Variants in DEUP1 observed in about 807,000 individuals in gnomAD.
DEUP1 encodes the protein deuterosome assembly protein 1.
A neutral mutation model predicts 87.4 loss-of-function variants in DEUP1; 82 were observed. The ratio of observed to expected loss-of-function variants is 0.94; its 90% CI spans 0.78 to 1.13. The LOEUF (loss-of-function observed/expected upper bound fraction) is 1.13. Ranked by LOEUF, DEUP1 falls within the 50% of genes most tolerant of loss-of-function variation. DEUP1 has a pLI of 0.00. For missense variants in DEUP1, 663 were observed against 681.5 expected, an observed-to-expected ratio of 0.97 and a Z score of 0.30; for synonymous variants, 214 against 222.7, an observed-to-expected ratio of 0.96 and a Z score of 0.35.
At chr11:93,334,044 C>T (rs1943623236) in intron 2 of DEUP1, among the ~76,000 whole-genome samples, 1 of 152,142 alleles carries the variant, frequency 6.6e-6, no homozygotes, top group Non-Finnish European at 1.5e-5. Flanking sequence ...AACAGTAGAA[C>T]TTGTTTGGGT....
chr11:93,401,625 C>A (rs1947121534), intron 11 of DEUP1, among the ~76,000 whole-genome samples: 1 of 151,878 alleles, frequency 6.6e-6, no homozygotes, highest in South Asian at 2.1e-4. Flanking sequence ...GAATAGAGAA[C>A]CCAGATATAA....
chr11:93,350,955 C>A (rs147619353), intron 2 of DEUP1, among the ~76,000 whole-genome samples: 24,869 of 147,266 alleles, frequency 0.17, 2,251 homozygotes, highest in Non-Finnish European at 0.21. Flanking sequence ...GACTCCATCT[C>A]AAAAAAAATT....
rs1185292654 is a variant in DEUP1, at chr11:93,371,261, T to C, written c.770T>C (p.Met257Thr). 7 of 1,612,646 alleles carry C rather than the reference T, an allele frequency of 4.3e-6. No homozygotes were observed. In the Admixed American group the frequency reaches 1.0e-4, roughly 23 times the overall value. ...CAGAAGCTCTTGCAAGAACTGAAAA[T>C]GTACCAAAGACAGTGCCAGGTGAAG... ...ENQKLLQELK[M>T]YQRQCQAMEA... The change falls in exon 7 of 14, where the codon ATG becomes ACG. Residue 257 changes from methionine to threonine, a missense_variant. Met to Thr is a moderately conservative substitution (Grantham distance 81). Coordinates refer to ENST00000298050, the MANE Select transcript of DEUP1 (RefSeq NM_181645.4).
chr11:93,362,547 A>C (rs1168049143), intron 4 of DEUP1, among the ~76,000 whole-genome samples: 1 of 151,916 alleles, frequency 6.6e-6, no homozygotes, highest in African/African-American at 2.4e-5. Flanking sequence ...AAAAAAGAAA[A>C]TAACAAGTGT....
At chr11:93,432,006 G>A (rs1565356287) in intron 13 of DEUP1, among the ~76,000 whole-genome samples, 1 of 152,168 alleles carries the variant, frequency 6.6e-6, no homozygotes. Context: ...ATGTGAATCT[G>A]ATATTCGAGG....
intron 13 of DEUP1, among the ~76,000 whole-genome samples, chr11:93,430,864 G>T (rs1948081867): frequency 6.6e-6 from 1 of 152,156 alleles, no homozygotes; most frequent in African/African-American, 2.4e-5. Context: ...GGGAAGCCGA[G>T]GTGGTCAGAT....
chr11:93,346,574 G>A (rs139678525), intron 2 of DEUP1, among the ~76,000 whole-genome samples: 281 of 152,158 alleles, frequency 1.8e-3, no homozygotes, highest in Non-Finnish European at 1.6e-3. Flanking sequence ...TTCTAGTTCC[G>A]TGAGGAATGT....
intron 9 of DEUP1, among the ~76,000 whole-genome samples, chr11:93,393,239 G>A (rs150137549): frequency 6.6e-6 from 1 of 151,862 alleles, no homozygotes; most frequent in Admixed American, 6.6e-5. Flanking sequence ...GAGACTGAAT[G>A]CACATGCCAC....
chr11:93,402,776 C>G (rs543654504), intron 11 of DEUP1, among the ~76,000 whole-genome samples: 30 of 151,870 alleles, frequency 2.0e-4, no homozygotes, highest in African/African-American at 6.8e-4. Flanking sequence ...CACAGAAAGA[C>G]AAATATTGCA....
At chr11:93,331,047 T>C (rs557802504) in intron 1 of DEUP1, among the ~76,000 whole-genome samples, 1 of 152,248 alleles carries the variant, frequency 6.6e-6, no homozygotes, top group Admixed American at 6.5e-5. Flanking sequence ...ACTTAACTTG[T>C]CTGTGCCTCA....
intron 10 of DEUP1, 111 bp from the exon 11 acceptor site, chr11:93,396,128 T>C: frequency 1.4e-6 from 1 of 695,732 alleles, no homozygotes; most frequent in Non-Finnish European, 2.5e-6. Flanking sequence ...ACCGAAGAAG[T>C]GTTTCCCTTC....
At chr11:93,427,520 C>G (rs76994408) in intron 13 of DEUP1, among the ~76,000 whole-genome samples, 125,359 of 151,198 alleles carry the variant, frequency 0.83, 52,084 homozygotes, top group East Asian at 0.91. Flanking sequence ...ACCATAAAAA[C>G]CCTAGAAGAA....
intron 2 of DEUP1, among the ~76,000 whole-genome samples, chr11:93,332,975 G>A (rs535116976): frequency 9.3e-4 from 142 of 152,238 alleles, no homozygotes; most frequent in African/African-American, 2.7e-3. Context: ...TGACTTTGGC[G>A]CTAGTCACAC....
At chr11:93,387,916 A>G (rs1388214961) in intron 8 of DEUP1, among the ~76,000 whole-genome samples, 1 of 152,084 alleles carries the variant, frequency 6.6e-6, no homozygotes. Context: ...ATTTCTTTGC[A>G]CACATATATG....
At chr11:93,350,003 G>A (rs1172785927) in intron 2 of DEUP1, among the ~76,000 whole-genome samples, 1 of 152,146 alleles carries the variant, frequency 6.6e-6, no homozygotes. Context: ...CTAAAAGTGG[G>A]GCACCCTAGG....
intron 13 of DEUP1, among the ~76,000 whole-genome samples, chr11:93,433,147 T>A (rs551640427): frequency 3.3e-5 from 5 of 152,310 alleles, no homozygotes; most frequent in South Asian, 4.1e-4. Context: ...CAAAATTGAA[T>A]CCATTTTCTT....
At chr11:93,375,494 A>G (rs1242334050) in intron 7 of DEUP1, among the ~76,000 whole-genome samples, 1 of 152,172 alleles carries the variant, frequency 6.6e-6, no homozygotes, top group Non-Finnish European at 1.5e-5. Context: ...TAATCATAAA[A>G]GGATGCTGGA....
intron 13 of DEUP1, among the ~76,000 whole-genome samples, chr11:93,418,947 CTG>C (rs1947759554): frequency 6.6e-6 from 1 of 151,162 alleles, no homozygotes; most frequent in South Asian, 2.1e-4. Context: ...AAACCAAACA[CTG>C]CATATTCTCA....
chr11:93,370,309 A>G (rs1565313378), intron 6 of DEUP1, 123 bp downstream of exon 6: 7 of 600,156 alleles, frequency 1.2e-5, no homozygotes, highest in Non-Finnish European at 1.2e-5. Context: ...AGTAGGTCCA[A>G]AGGTGGGTAC....
Sources: allele counts gnomAD v4.1 joint callset (sites outside exome capture counted in the v4.1 genomes callset), GRCh38; gene constraint gnomAD v4.1.1; transcripts MANE v1.5; gene names NCBI Gene and HGNC (gene_info 2026-07-23, HGNC 2026-07-21).